KIF6: variants seen among roughly 807,000 people sequenced by gnomAD.
KIF6 encodes kinesin-like protein KIF6.
In KIF6, 106 loss-of-function variants were observed where a neutral mutation model predicts 112.7. That is an observed-to-expected ratio of 0.94 (90% CI 0.80 to 1.11). KIF6 has a LOEUF of 1.11. KIF6 is among the 50% of genes least tolerant of loss of function. The pLI, the probability that KIF6 is intolerant of heterozygous loss-of-function variation, is 0.00. For synonymous variants in KIF6, 339 were observed against 339.9 expected, an observed-to-expected ratio of 1.00 and a Z score of 0.03; for missense variants, 929 against 964.0, an observed-to-expected ratio of 0.96 and a Z score of 0.48.
chr6:39,420,098 G>A, intron 14 of KIF6, 95 bp from the exon 15 acceptor site: 3 of 817,372 alleles, frequency 3.7e-6, no homozygotes, highest in Admixed American at 2.4e-5. Flanking sequence ...AAAATATGAT[G>A]AAACTTTATT....
chr6:39,353,878 G>A, intron 19 of KIF6: 2 of 552,236 alleles, frequency 3.6e-6, no homozygotes. Context: ...ACTATGCTGT[G>A]TGCCAGTTCC....
intron 3 of KIF6, among the ~76,000 whole-genome samples, chr6:39,663,549 T>C (rs1467298724): frequency 6.6e-6 from 1 of 152,128 alleles, no homozygotes; most frequent in East Asian, 1.9e-4. Context: ...ACAGGCACTT[T>C]TAGATTTGGC....
chr6:39,674,853 G>T (rs945624507), intron 3 of KIF6, among the ~76,000 whole-genome samples: 6 of 149,498 alleles, frequency 4.0e-5, no homozygotes, highest in Non-Finnish European at 5.9e-5. Context: ...AAGCTAGAAT[G>T]AGAGAACCAA....
chr6:39,640,796 A>G (rs910430887), intron 3 of KIF6, among the ~76,000 whole-genome samples: 1 of 152,150 alleles, frequency 6.6e-6, no homozygotes, highest in Admixed American at 6.6e-5. Context: ...CACCTTATGC[A>G]ACTATTAAAC....
At chr6:39,680,923 C>G (rs1787473942) in intron 3 of KIF6, among the ~76,000 whole-genome samples, 1 of 152,118 alleles carries the variant, frequency 6.6e-6, no homozygotes, top group African/African-American at 2.4e-5. Flanking sequence ...TTAGTATGGT[C>G]AGTGTACAGG....
chr6:39,699,893 A>C (rs1788775114), intron 3 of KIF6, among the ~76,000 whole-genome samples: 1 of 152,174 alleles, frequency 6.6e-6, no homozygotes, highest in South Asian at 2.1e-4. Context: ...TTGATCATTG[A>C]AGTTTATATT....
chr6:39,617,585 G>T, intron 5 of KIF6: 1 of 373,104 alleles, frequency 2.7e-6, no homozygotes, highest in East Asian at 7.3e-5. Context: ...CTGAGGGGGT[G>T]CTATTCACAT....
chr6:39,662,737 T>C (rs1786232843), intron 3 of KIF6, among the ~76,000 whole-genome samples: 2 of 152,102 alleles, frequency 1.3e-5, no homozygotes, highest in Admixed American at 6.6e-5. Context: ...AATAAAATAC[T>C]CAAACTGAAA....
At chr6:39,453,802 C>T (rs1024522579) in intron 13 of KIF6, among the ~76,000 whole-genome samples, 1 of 152,200 alleles carries the variant, frequency 6.6e-6, no homozygotes, top group Non-Finnish European at 1.5e-5. Context: ...GCCTCTTGGC[C>T]TCTCTGAGGT....
intron 16 of KIF6, among the ~76,000 whole-genome samples, chr6:39,371,914 A>G (rs1186342289): frequency 6.6e-6 from 1 of 152,158 alleles, no homozygotes; most frequent in Non-Finnish European, 1.5e-5. Flanking sequence ...CCAAGGCCAC[A>G]TTACAGCAGA....
rs550627154 is a variant in KIF6 at position 39,343,673 on chromosome 6, C to A, written c.2428+36G>T. ...GCTCCCCACAAGTGTTGGTGACCTG[C>A]TGCCCAGGAGGAGCCACCGAGGGAG... On this transcript the variant is annotated intron_variant, in intron 22 of 22. Coordinates refer to ENST00000287152, the MANE Select transcript of KIF6 (RefSeq NM_145027.6). This position sits in a 1 kb window ranked among gnomAD's most constrained non-coding sequence, Gnocchi z 4.1. 2.0e-6 allele frequency: 3 copies of A among 1,498,390 alleles called. No individual in the cohort carries two copies. Among genetic ancestry groups the A allele is most frequent in the East Asian group, 2.3e-5 (1 of 44,196 alleles). The allele number at this position is 1,498,390 out of a possible 1,614,324, so 92.8% of individuals were successfully genotyped here.
chr6:39,703,084 C>CT lies in KIF6; in HGVS notation c.251+11607_251+11608insA, dbSNP rs1207905184. ...AAGACAAAATCCACCAACCCCCCAC[C>CT]CCCACTCCCGGCCACCAAGACAAAA... is the stretch of plus-strand genomic sequence containing the variant. On this transcript the variant is annotated intron_variant, in intron 3 of 22. Transcript: ENST00000287152. Among the ~76,000 whole-genome samples, 7 of 49,974 alleles carry CT rather than the reference C, an allele frequency of 1.4e-4. No homozygotes were observed. The East Asian group carries it at 4.6e-3, about 33-fold the overall frequency. The allele number at this position is 49,974 out of a possible 152,430, so 32.8% of individuals were successfully genotyped here. A position where few individuals can be genotyped will look rare whatever the true frequency, so the allele number is the denominator to read the frequency against.
intron 13 of KIF6, among the ~76,000 whole-genome samples, chr6:39,523,863 G>T (rs1051284821): frequency 2.0e-5 from 3 of 151,428 alleles, no homozygotes; most frequent in East Asian, 3.9e-4. Flanking sequence ...CAGGTACTGG[G>T]TCTCATTTAC....
At chr6:39,545,460 G>A (rs923467238) in intron 11 of KIF6, 123 bp downstream of exon 11, 15 of 624,406 alleles carry the variant, frequency 2.4e-5, no homozygotes, top group African/African-American at 3.7e-5. Context: ...TTCAAAGATC[G>A]TACCATTTTC....
chr6:39,543,159 C>T (rs181046617), intron 12 of KIF6, among the ~76,000 whole-genome samples: 13 of 152,170 alleles, frequency 8.5e-5, no homozygotes, highest in Admixed American at 8.5e-4. Context: ...CATTCATAAG[C>T]CCAGAAGGGG....
chr6:39,418,214 T>C (rs1038268527), intron 15 of KIF6, among the ~76,000 whole-genome samples: 1 of 152,222 alleles, frequency 6.6e-6, no homozygotes, highest in Non-Finnish European at 1.5e-5. Flanking sequence ...CTCCCAGTTT[T>C]TCTCATGCAG....
In KIF6 at chr6:39,336,282, C is replaced by T. The variant is rs1762908845; in HGVS notation, c.*250G>A. 1.8e-6 allele frequency: 1 copy of T among 544,138 alleles called. No individual in the cohort carries two copies. Among genetic ancestry groups the T allele is most frequent in the East Asian group, 3.1e-5 (1 of 31,918 alleles). 33.7% of individuals were successfully genotyped at this position (544,138 alleles called of 1,614,324 possible). ...CTTCACCCTGCCCCTAGCACTCTGG[C>T]CTTGCCTGGCCCTGCCAGCAGCTCC... On this transcript the variant is annotated 3_prime_UTR_variant, in exon 23 of 23. Coordinates refer to ENST00000287152, the MANE Select transcript of KIF6 (RefSeq NM_145027.6).
At chr6:39,472,172 G>A (rs1386888033) in intron 13 of KIF6, among the ~76,000 whole-genome samples, 1 of 152,012 alleles carries the variant, frequency 6.6e-6, no homozygotes, top group Admixed American at 6.6e-5. Context: ...TCTATCCTCA[G>A]CACCTCACTG....
intron 13 of KIF6, among the ~76,000 whole-genome samples, chr6:39,493,238 G>A (rs1775576216): frequency 6.6e-6 from 1 of 152,166 alleles, no homozygotes; most frequent in African/African-American, 2.4e-5. Context: ...TTTTAGCACT[G>A]AAAAAGACCT....
Sources: gnomAD v4.1 joint callset for allele counts (sites outside exome capture counted in the v4.1 genomes callset) on GRCh38, gnomAD v4.1.1 for gene constraint, Gnocchi (gnomAD v3.1) non-coding constraint, MANE v1.5 for transcripts, NCBI Gene and HGNC (gene_info 2026-07-23, HGNC 2026-07-21) for gene names.